The following KCNIP2 variants were observed in gnomAD, a reference collection of about 807,000 sequenced individuals.
The protein encoded by KCNIP2 is A-type potassium channel modulatory protein KCNIP2.
In KCNIP2, 19 loss-of-function variants were observed where a neutral mutation model predicts 39.0. The observed-to-expected ratio is 0.49, with a 90% confidence interval of 0.34 to 0.71. The LOEUF is 0.71. Among genes scored for constraint, KCNIP2 ranks in the 30% least tolerant of loss-of-function variants. The pLI is 0.01. For synonymous variants in KCNIP2, 111 were observed against 131.2 expected (o/e 0.85, Z 1.05); for missense variants, 261 against 346.0 (o/e 0.75, Z 1.95).
intron 1 of KCNIP2, among the ~76,000 whole-genome samples, chr10:101,835,604 C>A (rs368432314): frequency 6.6e-6 from 1 of 151,942 alleles, no homozygotes; most frequent in Non-Finnish European, 1.5e-5. Context: ...AGGGAGCCAC[C>A]CCTCCCAGCC....
Position 101,828,063 on chromosome 10 carries a change from C to T in KCNIP2, c.598-70G>A. 6.5e-7 allele frequency: 1 copy of T among 1,540,126 alleles called. No homozygotes were observed. Among genetic ancestry groups the T allele is most frequent in the Non-Finnish European group, 9.0e-7 (1 of 1,112,688 alleles). On this transcript the variant is annotated intron_variant, in intron 7 of 9. Coordinates refer to ENST00000356640, the MANE Select transcript of KCNIP2 (RefSeq NM_173191.3). The surrounding 1 kb of genome is among the most constrained non-coding windows in gnomAD (Gnocchi z 6.6). ...CCTCCCTTGATCCCTTGCTTGTGGG[C>T]ATATGTGGGTCATATTTCCCTCCCA... is the stretch of plus-strand genomic sequence containing the variant.
At chr10:101,837,869 A>G (rs1016573824) in intron 1 of KCNIP2, among the ~76,000 whole-genome samples, 3 of 152,196 alleles carry the variant, frequency 2.0e-5, no homozygotes, top group Non-Finnish European at 4.4e-5. Context: ...GACTATTTGA[A>G]TGGAAAGGGG....
chr10:101,832,296 CTG>C (rs57005983), intron 1 of KCNIP2, among the ~76,000 whole-genome samples: 14,163 of 139,870 alleles, frequency 0.1, 814 homozygotes, highest in African/African-American at 0.18. Flanking sequence ...CTCAGTGTTA[CTG>C]TGTGTGTGTG....
intron 3 of KCNIP2, 155 bp from the exon 4 acceptor site, chr10:101,829,354 G>C: frequency 1.0e-6 from 1 of 977,756 alleles, no homozygotes; most frequent in Non-Finnish European, 1.5e-6. Context: ...GGACACTGAG[G>C]TAAGGAGAAA....
At position 101,826,529 on chromosome 10, in the gene KCNIP2, T is replaced by G. The variant is rs2065753324; in HGVS notation, c.*824A>C. 1 of 152,284 alleles carries G rather than the reference T, an allele frequency of 6.6e-6. No individual in the cohort carries two copies. Among genetic ancestry groups the G allele is most frequent in the Non-Finnish European group, 1.5e-5 (1 of 68,078 alleles). The allele number at this position is 152,284 out of a possible 1,614,324, so 9.4% of individuals were successfully genotyped here. On this transcript the variant is annotated 3_prime_UTR_variant, in exon 10 of 10. Transcript: ENST00000356640. The stretch of plus-strand genomic sequence containing the variant: ...AAGCAAGGAGGGTGGGATGAAATTT[T>G]GGCAGGCATCAGCCAGGACATCCCC...
rs545580925 is a variant in KCNIP2 at position 101,843,605 on chromosome 10, G to T, written c.-37C>A. 1 of 1,314,204 alleles carries T rather than the reference G, an allele frequency of 7.6e-7. No homozygotes were observed. Among genetic ancestry groups the T allele is most frequent in the Non-Finnish European group, 1.0e-6 (1 of 987,362 alleles). 81.4% of individuals were successfully genotyped at this position (1,314,204 alleles called of 1,614,324 possible). A position where few individuals can be genotyped will look rare whatever the true frequency, so the allele number is the denominator to read the frequency against. On this transcript the variant is annotated 5_prime_UTR_variant, in exon 1 of 10. Coordinates refer to ENST00000356640, the MANE Select transcript of KCNIP2 (RefSeq NM_173191.3). This position sits in a 1 kb window ranked among gnomAD's most constrained non-coding sequence, Gnocchi z 6.7. ...CCCCGCTCCCGCCCGGGCCGTGGGAGGGGGCGCCGGGTGGCCGGGATAGGG... is the reference window on the plus strand; with the variant it reads ...CCCCGCTCCCGCCCGGGCCGTGGGATGGGGCGCCGGGTGGCCGGGATAGGG...
At chr10:101,834,772 G>A (rs2135178049) in intron 1 of KCNIP2, among the ~76,000 whole-genome samples, 1 of 152,340 alleles carries the variant, frequency 6.6e-6, no homozygotes, top group African/African-American at 2.4e-5. Context: ...AGGGCAGGGT[G>A]TATGTGCATG....
At position 101,829,150 on chromosome 10, in the gene KCNIP2, C is replaced by T. The variant is rs2065865932; in HGVS notation, c.273G>A (p.Glu91=). 6.2e-7 allele frequency: 1 copy of T among 1,614,076 alleles called. No individual in the cohort carries two copies. The highest frequency in any genetic ancestry group is 8.5e-7 in the Non-Finnish European group (1 of 1,180,030). ...FELSTVCHRP[E]GLEQLQEQTK... ...TTTGCTCCTGCAGCTGCTCCAGACCCTCAGGCCGGTGACACACGGTGGACA... is the reference window on the plus strand; with the variant it reads ...TTTGCTCCTGCAGCTGCTCCAGACCTTCAGGCCGGTGACACACGGTGGACA... The change falls in exon 4 of 10, where the codon GAG becomes GAA. Residue 91 remains glutamate (E), a synonymous_variant. Transcript: ENST00000356640.
At chr10:101,827,581 AT>A (rs1173352923) in intron 9 of KCNIP2, 107 bp downstream of exon 9, 1 of 1,370,710 alleles carries the variant, frequency 7.3e-7, no homozygotes, top group Non-Finnish European at 1.0e-6. Flanking sequence ...GGATTGAAAT[AT>A]GGGGGTGAGG....
At chr10:101,839,797 G>T (rs777049787) in intron 1 of KCNIP2, 1 of 1,610,852 alleles carries the variant, frequency 6.2e-7, no homozygotes, top group African/African-American at 1.3e-5. Context: ...GGATCGCGCT[G>T]CCTGCCCCAG....
Position 101,828,240 on chromosome 10 carries a change from A to T in KCNIP2, c.508T>A (p.Ser170Thr), listed in dbSNP as rs778809471. The change falls in exon 7 of 10, where the codon TCC (serine) becomes ACC (threonine). Residue 170 changes from serine (S) to threonine (T), a missense_variant. Physicochemically the swap from Ser to Thr is moderately conservative, Grantham distance 58. Coordinates refer to ENST00000356640, the MANE Select transcript of KCNIP2 (RefSeq NM_173191.3). This position sits in a 1 kb window ranked among gnomAD's most constrained non-coding sequence, Gnocchi z 6.6. ...TCTACAGTTCCCCGAAGAATCACGGACAAACCAGCCACAAAGTCCTGGGAA... is the reference window on the plus strand; with the variant it reads ...TCTACAGTTCCCCGAAGAATCACGGTCAAACCAGCCACAAAGTCCTGGGAA... ...VSFEDFVAGLSVILRGTVDDR... is the reference protein window; with the variant it reads ...VSFEDFVAGLTVILRGTVDDR... The T allele has an allele frequency of 6.2e-7, 1 of 1,614,154 alleles. No individual in the cohort carries two copies. Among genetic ancestry groups the T allele is most frequent in the Non-Finnish European group, 8.5e-7 (1 of 1,180,018 alleles).
At position 101,843,735 on chromosome 10, in the gene KCNIP2, G is replaced by C. The variant is rs1305056039; in HGVS notation, c.-167C>G. The C allele has an allele frequency of 2.4e-6, 1 of 419,216 alleles. No individual in the cohort carries two copies. 26.0% of individuals were successfully genotyped at this position (419,216 alleles called of 1,614,324 possible). On this transcript the variant is annotated 5_prime_UTR_variant, in exon 1 of 10. Transcript: ENST00000356640. This position sits in a 1 kb window ranked among gnomAD's most constrained non-coding sequence, Gnocchi z 6.7. ...GCCCGGGGTCTGAGGTCTACCCGGA[G>C]GTCCTGGAGCAGGAGAGGGAACACT... is the stretch of plus-strand genomic sequence containing the variant.
Position 101,828,821 on chromosome 10 carries a change from C to T in KCNIP2, c.349-125G>A. 6.3e-7 allele frequency: 1 copy of T among 1,586,210 alleles called. No individual in the cohort carries two copies. Among genetic ancestry groups the T allele is most frequent in the South Asian group, 1.1e-5 (1 of 88,204 alleles). On this transcript the variant is annotated intron_variant, in intron 4 of 9. Transcript: ENST00000356640. This position sits in a 1 kb window ranked among gnomAD's most constrained non-coding sequence, Gnocchi z 6.6. Reference sequence around the variant, plus strand: ...CTTCAAGCCTCCAGAGGACTCACCACGTGGCTCATGTGATGGGAGGGAAGA... The same window carrying T: ...CTTCAAGCCTCCAGAGGACTCACCATGTGGCTCATGTGATGGGAGGGAAGA...
rs2066223644 is a variant in KCNIP2 at position 101,838,299 on chromosome 10, C to A, written c.73+5197G>T. On this transcript the variant is annotated intron_variant, in intron 1 of 9. Coordinates refer to ENST00000356640, the MANE Select transcript of KCNIP2 (RefSeq NM_173191.3). The surrounding 1 kb of genome is among the most constrained non-coding windows in gnomAD (Gnocchi z 4.0). The stretch of plus-strand genomic sequence containing the variant: ...CCTTCCCCAGATCCCTCAAATCTTA[C>A]CACAGAGATATTCCTATCATTTATT... Among the ~76,000 whole-genome samples, 1 of 152,238 alleles carries A rather than the reference C, an allele frequency of 6.6e-6. No individual in the cohort carries two copies. The highest frequency in any genetic ancestry group is 2.4e-5 in the African/African-American group (1 of 41,466).
intron 1 of KCNIP2, among the ~76,000 whole-genome samples, chr10:101,837,576 G>A (rs2066201983): frequency 6.6e-6 from 1 of 152,162 alleles, no homozygotes; most frequent in Non-Finnish European, 1.5e-5. Context: ...GGCTAAGGCA[G>A]AATTGCTTGA....
In KCNIP2 at chr10:101,827,944, G is replaced by A. The variant is rs780795809; in HGVS notation, c.647C>T (p.Thr216Met). The A allele has an allele frequency of 1.9e-6, 3 of 1,614,030 alleles. No individual in the cohort carries two copies. Among genetic ancestry groups the A allele is most frequent in the Non-Finnish European group, 2.5e-6 (3 of 1,179,902 alleles). The change falls in exon 8 of 10, where the codon ACG becomes ATG. Residue 216 changes from threonine to methionine, a missense_variant. Coordinates refer to ENST00000356640, the MANE Select transcript of KCNIP2 (RefSeq NM_173191.3). ...GGCCTCCTCCCGGAGTGCAGGGTAC[G>A]TGTACTTGCCCATCATGTCATAGAT... ...KSIYDMMGKY[T>M]YPALREEAPR...
Position 101,843,712 on chromosome 10 carries a change from C to T in KCNIP2, c.-144G>A, listed in dbSNP as rs561461975. On this transcript the variant is annotated 5_prime_UTR_variant, in exon 1 of 10. Transcript: ENST00000356640. The surrounding 1 kb of genome is among the most constrained non-coding windows in gnomAD (Gnocchi z 6.7). ...GCTGAGGCTGAGTCTGGGAATGGGC[C>T]CGGGGTCTGAGGTCTACCCGGAGGT... The T allele has an allele frequency of 2.6e-5, 12 of 454,950 alleles. No homozygotes were observed. Among genetic ancestry groups the T allele is most frequent in the Non-Finnish European group, 4.6e-5 (12 of 258,916 alleles). The allele number at this position is 454,950 out of a possible 1,614,324, so 28.2% of individuals were successfully genotyped here.
At chr10:101,837,934 C>T (rs955182974) in intron 1 of KCNIP2, among the ~76,000 whole-genome samples, 1 of 152,230 alleles carries the variant, frequency 6.6e-6, no homozygotes, top group African/African-American at 2.4e-5. Flanking sequence ...GCCAGTTGCC[C>T]TGGACCTGGC....
intron 1 of KCNIP2, among the ~76,000 whole-genome samples, chr10:101,832,296 C>CTGTGTGTGTGTGTGTG (rs57005983): frequency 1.1e-4 from 16 of 140,066 alleles, no homozygotes; most frequent in Middle Eastern, 3.6e-3. Flanking sequence ...CTCAGTGTTA[C>CTGTGTGTGTGTGTGTG]TGTGTGTGTG....
Sources: allele counts gnomAD v4.1 joint callset (sites outside exome capture counted in the v4.1 genomes callset), GRCh38; gene constraint gnomAD v4.1.1; non-coding constraint Gnocchi (gnomAD v3.1); transcripts MANE v1.5; gene names NCBI Gene and HGNC (gene_info 2026-07-23, HGNC 2026-07-21).